GALNT13: variants seen among roughly 807,000 people sequenced by gnomAD.
GALNT13 encodes the protein UDP-GalNAc:polypeptide N-acetylgalactosaminyltransferase 13.
A neutral mutation model predicts 64.2 loss-of-function variants in GALNT13; 28 were observed. The ratio of observed to expected loss-of-function variants is 0.44; its 90% CI spans 0.32 to 0.60. The LOEUF is 0.60. GALNT13 is among the 20% of genes least tolerant of loss of function. GALNT13 has a pLI of 0.05. For missense variants in GALNT13, 577 were observed against 669.8 expected (o/e 0.86, Z 1.53); for synonymous variants, 214 against 224.6 (o/e 0.95, Z 0.42).
intron 11 of GALNT13, among the ~76,000 whole-genome samples, chr2:154,420,233 G>A (rs1277617730): frequency 7.2e-5 from 11 of 151,932 alleles, no homozygotes; most frequent in Admixed American, 5.9e-4. Context: ...TTACTAAAAG[G>A]AAAATGTGTT....
Position 154,430,443 on chromosome 2 carries a change from G to A in GALNT13, c.1396-8149G>A, listed in dbSNP as rs150443735. On this transcript the variant is annotated intron_variant, in intron 11 of 12. Coordinates refer to ENST00000392825, the MANE Select transcript of GALNT13 (RefSeq NM_052917.4). The stretch of plus-strand genomic sequence containing the variant: ...AGAATTAGGAGTGGAGCCCGAAGAC[G>A]TCATTGAATTTCTGCACTCTCAAGC... Among the ~76,000 whole-genome samples the A allele has an allele frequency of 8.3e-4, 126 of 152,248 alleles. 1 individual carries two copies. Among genetic ancestry groups the A allele is most frequent in the East Asian group, 3.1e-3 (16 of 5,170 alleles).
the GALNT13 span, among the ~76,000 whole-genome samples, chr2:153,351,806 G>T: frequency 9.2e-5 from 14 of 152,010 alleles, no homozygotes; most frequent in Non-Finnish European, 1.6e-4. Context: ...TTCCTTTTTA[G>T]TGCTGAATAA....
chr2:153,541,522 C>T, the GALNT13 span, among the ~76,000 whole-genome samples: 3 of 152,274 alleles, frequency 2.0e-5, no homozygotes, highest in South Asian at 4.1e-4. Flanking sequence ...AACCAGAACA[C>T]CTTTCCCCAA....
chr2:153,157,800 G>T, the GALNT13 span, among the ~76,000 whole-genome samples: 6 of 152,082 alleles, frequency 3.9e-5, no homozygotes, highest in African/African-American at 1.4e-4. Flanking sequence ...TATACTAGAA[G>T]ATAGAGAAAA....
the GALNT13 span, among the ~76,000 whole-genome samples, chr2:153,733,096 G>A: frequency 6.6e-6 from 1 of 152,078 alleles, no homozygotes; most frequent in African/African-American, 2.4e-5. Context: ...ATGAATCATT[G>A]AGAAGATAAG....
At position 154,202,107 on chromosome 2, in the gene GALNT13, G is replaced by GCT. The variant is rs879364007; in HGVS notation, c.312-39923_312-39922insCT. 7.4e-3 allele frequency among the ~76,000 whole-genome samples: 1,124 copies of GCT among 152,166 alleles called. 8 individuals are homozygous for GCT. The highest frequency in any genetic ancestry group is 0.02 in the Middle Eastern group (6 of 294). Reference sequence around the variant, plus strand: ...TACTTTGTGCCTGGCTGCAGGCAAGGTTGCTCTCTGTCTAGCAGGGGAGAA... The same window carrying GCT: ...TACTTTGTGCCTGGCTGCAGGCAAGGCTTTGCTCTCTGTCTAGCAGGGGAGAA... On this transcript the variant is annotated intron_variant, in intron 4 of 12. Transcript: ENST00000392825.
At chr2:153,997,107 A>G (rs982608918) in intron 3 of GALNT13, among the ~76,000 whole-genome samples, 1 of 151,996 alleles carries the variant, frequency 6.6e-6, no homozygotes, top group Non-Finnish European at 1.5e-5. Flanking sequence ...AGGTAATTGG[A>G]TACCTCCATC....
At chr2:153,566,355 T>G in the GALNT13 span, among the ~76,000 whole-genome samples, 1 of 68,238 alleles carries the variant, frequency 1.5e-5, no homozygotes, top group Admixed American at 1.5e-4. Context: ...CACGTTTTTT[T>G]TTTTTTTTTT....
the GALNT13 span, among the ~76,000 whole-genome samples, chr2:153,621,412 A>G: frequency 6.6e-6 from 1 of 152,210 alleles, no homozygotes; most frequent in South Asian, 2.1e-4. Context: ...CCAGAACAGC[A>G]CTGGGTCTTG....
chr2:153,934,775 A>T (rs1004307448), intron 2 of GALNT13, among the ~76,000 whole-genome samples: 1 of 152,204 alleles, frequency 6.6e-6, no homozygotes, highest in African/African-American at 2.4e-5. Flanking sequence ...TAGATAAGCT[A>T]CTATTTTATA....
chr2:153,639,747 C>G, the GALNT13 span, among the ~76,000 whole-genome samples: 4 of 152,014 alleles, frequency 2.6e-5, no homozygotes, highest in African/African-American at 9.7e-5. Context: ...AGTTAAAAAA[C>G]TAAAGGGAAG....
At chr2:153,221,724 C>T in the GALNT13 span, among the ~76,000 whole-genome samples, 2 of 152,080 alleles carry the variant, frequency 1.3e-5, no homozygotes, top group African/African-American at 4.8e-5. Context: ...GAATGGAGTC[C>T]AGCCACTGCG....
chr2:153,736,409 T>G, the GALNT13 span, among the ~76,000 whole-genome samples: 54 of 152,336 alleles, frequency 3.5e-4, no homozygotes, highest in African/African-American at 1.2e-3. Flanking sequence ...ACTTCCCCAA[T>G]GTAATCAAGT....
the GALNT13 span, among the ~76,000 whole-genome samples, chr2:153,217,001 T>C: frequency 3.9e-5 from 6 of 152,030 alleles, no homozygotes; most frequent in Non-Finnish European, 8.8e-5. Flanking sequence ...AGGTTGCATA[T>C]TTTTTCCTCT....
the GALNT13 span, among the ~76,000 whole-genome samples, chr2:153,561,254 A>G: frequency 6.6e-6 from 1 of 151,884 alleles, no homozygotes; most frequent in African/African-American, 2.4e-5. Flanking sequence ...CTATATATAT[A>G]TGAATATGAC....
At chr2:153,096,686 G>C in the GALNT13 span, among the ~76,000 whole-genome samples, 2 of 152,016 alleles carry the variant, frequency 1.3e-5, no homozygotes, top group African/African-American at 2.4e-5. Context: ...AGTGACTCCT[G>C]TTCTTTTTTG....
intron 11 of GALNT13, among the ~76,000 whole-genome samples, chr2:154,411,009 G>C (rs1002009683): frequency 1.3e-5 from 2 of 151,828 alleles, no homozygotes; most frequent in Non-Finnish European, 2.9e-5. Context: ...CCCAGCACCT[G>C]CTGCAGTCTT....
chr2:154,361,397 G>A (rs747726118), intron 9 of GALNT13, among the ~76,000 whole-genome samples: 3 of 152,072 alleles, frequency 2.0e-5, no homozygotes, highest in East Asian at 1.9e-4. Context: ...GTAACTAGAC[G>A]GTCTATAATT....
chr2:153,403,931 A>G, the GALNT13 span, among the ~76,000 whole-genome samples: 1 of 152,178 alleles, frequency 6.6e-6, no homozygotes, highest in African/African-American at 2.4e-5. Context: ...AGCTGTTCCT[A>G]TTCGGCCATC....
Sources: allele counts gnomAD v4.1 joint callset (sites outside exome capture counted in the v4.1 genomes callset), GRCh38; gene constraint gnomAD v4.1.1; transcripts MANE v1.5; gene names NCBI Gene and HGNC (gene_info 2026-07-23, HGNC 2026-07-21).